SORCS3: variants seen among roughly 807,000 people sequenced by gnomAD.
SORCS3 encodes the protein VPS10 domain-containing receptor SorCS3.
Under a neutral mutation model 146.3 loss-of-function variants are expected in SORCS3, and 57 were observed. The observed-to-expected ratio is 0.39, with a 90% confidence interval of 0.31 to 0.49. SORCS3 has a LOEUF of 0.49. SORCS3 is among the 20% of genes least tolerant of loss of function. The probability of loss-of-function intolerance (pLI) is 0.92; values close to 1 mark genes in which losing one functional copy is unlikely to be tolerated. For missense variants in SORCS3, 1,341 were observed against 1,575.5 expected (o/e 0.85, Z 2.52); for synonymous variants, 653 against 618.5 (o/e 1.06, Z -0.83).
chr10:105,129,999 A>G (rs2056006669), intron 7 of SORCS3, among the ~76,000 whole-genome samples: 1 of 151,984 alleles, frequency 6.6e-6, no homozygotes, highest in Non-Finnish European at 1.5e-5. Context: ...TCTCCAGAAG[A>G]CCTCTAAGAT....
At chr10:105,084,973 G>T (rs1046440779) in intron 5 of SORCS3, among the ~76,000 whole-genome samples, 2 of 151,896 alleles carry the variant, frequency 1.3e-5, no homozygotes, top group Non-Finnish European at 2.9e-5. Flanking sequence ...CTCGTGATCC[G>T]CCCGACTCGG....
At chr10:105,154,976 G>A (rs1249010911) in intron 9 of SORCS3, among the ~76,000 whole-genome samples, 1 of 152,158 alleles carries the variant, frequency 6.6e-6, no homozygotes, top group African/African-American at 2.4e-5. Flanking sequence ...AACACAAGTG[G>A]GAAATGTTCC....
intron 7 of SORCS3, among the ~76,000 whole-genome samples, chr10:105,124,389 G>T (rs2055957720): frequency 6.6e-6 from 1 of 152,216 alleles, no homozygotes; most frequent in African/African-American, 2.4e-5. Context: ...GGAAGGCAAT[G>T]TGGCAGGGCA....
At chr10:105,095,408 C>G (rs866314325) in intron 6 of SORCS3, among the ~76,000 whole-genome samples, 1 of 152,094 alleles carries the variant, frequency 6.6e-6, no homozygotes, top group African/African-American at 2.4e-5. Flanking sequence ...CATCCTGTAC[C>G]CTGCTTCTCA....
intron 4 of SORCS3, among the ~76,000 whole-genome samples, chr10:105,041,664 C>T (rs148875970): frequency 0.012 from 1,886 of 151,860 alleles, 24 homozygotes; most frequent in African/African-American, 0.033. Context: ...TTGAGATTAC[C>T]GGAAGTTTAT....
intron 1 of SORCS3, among the ~76,000 whole-genome samples, chr10:104,795,511 G>T (rs77349756): frequency 6.6e-6 from 1 of 152,350 alleles, no homozygotes; most frequent in Admixed American, 6.5e-5. Context: ...CTTGGTTCAT[G>T]ACAAACAGGT....
intron 1 of SORCS3, among the ~76,000 whole-genome samples, chr10:104,705,225 G>GTTTT (rs11361828): frequency 8.4e-6 from 1 of 119,618 alleles, no homozygotes; most frequent in African/African-American, 3.2e-5. Context: ...GCAGGCCTTC[G>GTTTT]TTTTTTTTTT....
chr10:104,813,798 T>C (rs915435852), intron 1 of SORCS3, among the ~76,000 whole-genome samples: 1 of 152,084 alleles, frequency 6.6e-6, no homozygotes, highest in African/African-American at 2.4e-5. Context: ...AATGTTTTCA[T>C]GGGTTTGAGA....
intron 20 of SORCS3, among the ~76,000 whole-genome samples, chr10:105,237,247 C>G (rs1272731720): frequency 6.6e-6 from 1 of 152,142 alleles, no homozygotes; most frequent in African/African-American, 2.4e-5. Context: ...ATCTTCTTTG[C>G]TGTATGCCTT....
At chr10:105,225,954 G>A (rs1271309395) in intron 20 of SORCS3, among the ~76,000 whole-genome samples, 1 of 151,916 alleles carries the variant, frequency 6.6e-6, no homozygotes, top group Non-Finnish European at 1.5e-5. Context: ...TCAGATTTAA[G>A]AGTTTTTTCA....
intron 19 of SORCS3, among the ~76,000 whole-genome samples, chr10:105,218,978 G>A (rs954371052): frequency 3.3e-5 from 5 of 152,060 alleles, no homozygotes; most frequent in African/African-American, 7.2e-5. Context: ...TCACGCCACT[G>A]TACTCCAGCC....
intron 4 of SORCS3, among the ~76,000 whole-genome samples, chr10:105,001,436 G>A (rs1488413903): frequency 1.3e-5 from 2 of 152,228 alleles, no homozygotes; most frequent in African/African-American, 4.8e-5. Flanking sequence ...GTGGTTCTTT[G>A]AAGTGTGCCT....
chr10:105,086,443 G>A (rs911084950), intron 5 of SORCS3, among the ~76,000 whole-genome samples: 10 of 130,870 alleles, frequency 7.6e-5, no homozygotes, highest in African/African-American at 2.7e-4. Flanking sequence ...ATCAGTGTGA[G>A]CTGGTGACGA....
intron 14 of SORCS3, among the ~76,000 whole-genome samples, chr10:105,181,735 G>A (rs1181643403): frequency 1.3e-5 from 2 of 152,158 alleles, no homozygotes; most frequent in African/African-American, 4.8e-5. Flanking sequence ...AAATGTGACT[G>A]TTCTTATTAC....
chr10:105,043,268 A>T (rs1481407386), intron 5 of SORCS3, 140 bp downstream of exon 5: 2 of 695,646 alleles, frequency 2.9e-6, no homozygotes, highest in Non-Finnish European at 2.5e-6. Flanking sequence ...TTTGTAGAAT[A>T]GCAGCATCAG....
intron 4 of SORCS3, among the ~76,000 whole-genome samples, chr10:105,041,232 C>T (rs902091816): frequency 1.3e-5 from 2 of 148,908 alleles, no homozygotes; most frequent in Non-Finnish European, 3.0e-5. Flanking sequence ...CTCTTTCTTG[C>T]AAACAGGATC....
At chr10:104,781,761 C>T (rs374929513) in intron 1 of SORCS3, among the ~76,000 whole-genome samples, 1 of 152,226 alleles carries the variant, frequency 6.6e-6, no homozygotes, top group South Asian at 2.1e-4. Context: ...TGGGCAGGTG[C>T]CCCCATATCC....
intron 2 of SORCS3, among the ~76,000 whole-genome samples, chr10:104,872,445 T>C (rs2018528334): frequency 6.6e-6 from 1 of 152,276 alleles, no homozygotes; most frequent in Middle Eastern, 3.4e-3. Context: ...AATGTGAGTG[T>C]GCATCAGCAT....
chr10:105,221,871 A>C (rs777758799), intron 19 of SORCS3, among the ~76,000 whole-genome samples: 1 of 152,074 alleles, frequency 6.6e-6, no homozygotes, highest in Non-Finnish European at 1.5e-5. Context: ...TACATATTTT[A>C]GTTGGATTTG....
Sources: allele counts gnomAD v4.1 joint callset (sites outside exome capture counted in the v4.1 genomes callset), GRCh38; gene constraint gnomAD v4.1.1; transcripts MANE v1.5; gene names NCBI Gene and HGNC (gene_info 2026-07-23, HGNC 2026-07-21).